Variants in BTRC observed in about 807,000 individuals in gnomAD.
BTRC encodes the protein beta-transducin repeat containing E3 ubiquitin protein ligase.
In BTRC, 42 loss-of-function variants were observed where a neutral mutation model predicts 85.5. The ratio of observed to expected loss-of-function variants is 0.49; its 90% CI spans 0.38 to 0.64. The LOEUF is 0.64. BTRC is among the 30% of genes least tolerant of loss of function. The pLI, the probability that BTRC is intolerant of heterozygous loss-of-function variation, is 0.00. For synonymous variants in BTRC, 255 were observed against 263.3 expected (o/e 0.97, Z 0.30); for missense variants, 594 against 743.5 (o/e 0.80, Z 2.34).
intron 6 of BTRC, among the ~76,000 whole-genome samples, chr10:101,526,618 A>G (rs2062194931): frequency 6.6e-6 from 1 of 152,194 alleles, no homozygotes; most frequent in African/African-American, 2.4e-5. Context: ...CAACTCTACT[A>G]AAAATACAAA....
At chr10:101,533,731 C>T (rs551499182) in intron 9 of BTRC, among the ~76,000 whole-genome samples, 4 of 152,170 alleles carry the variant, frequency 2.6e-5, no homozygotes, top group South Asian at 2.1e-4. Context: ...AGGAAAAAAG[C>T]GGTTAAGTGC....
chr10:101,504,937 T>A (rs1005193700), intron 4 of BTRC, among the ~76,000 whole-genome samples: 1 of 151,352 alleles, frequency 6.6e-6, no homozygotes, highest in Non-Finnish European at 1.5e-5. Flanking sequence ...TAATAAATTT[T>A]AAAAAAATTT....
chr10:101,435,373 A>G (rs1944501726), intron 2 of BTRC, among the ~76,000 whole-genome samples: 2 of 152,112 alleles, frequency 1.3e-5, no homozygotes. Context: ...CATCCCCCAT[A>G]TGCAATTACT....
At chr10:101,426,766 G>A (rs1944262319) in intron 1 of BTRC, among the ~76,000 whole-genome samples, 2 of 152,134 alleles carry the variant, frequency 1.3e-5, no homozygotes, top group African/African-American at 4.8e-5. Flanking sequence ...TTTAAAAAGA[G>A]CCCCAAGTCT....
chr10:101,431,395 G>A (rs1479172756), intron 2 of BTRC, among the ~76,000 whole-genome samples: 2 of 151,974 alleles, frequency 1.3e-5, no homozygotes, highest in Non-Finnish European at 1.5e-5. Context: ...CTTTCTTAGA[G>A]GCCAGGATGT....
At chr10:101,471,559 G>C (rs1455886360) in intron 3 of BTRC, among the ~76,000 whole-genome samples, 5 of 152,072 alleles carry the variant, frequency 3.3e-5, no homozygotes, top group Admixed American at 2.0e-4. Context: ...GTGTTTGCCA[G>C]GTTTTGGTAT....
At chr10:101,519,914 G>A (rs1197667767) in intron 4 of BTRC, among the ~76,000 whole-genome samples, 1 of 152,018 alleles carries the variant, frequency 6.6e-6, no homozygotes, top group Non-Finnish European at 1.5e-5. Flanking sequence ...AGAATCACTT[G>A]AACCCGGGAG....
intron 1 of BTRC, chr10:101,414,736 A>G: frequency 4.5e-6 from 2 of 443,104 alleles, no homozygotes; most frequent in East Asian, 6.4e-5. Flanking sequence ...GGCTAATGTA[A>G]TGTGTGTGTT....
intron 3 of BTRC, among the ~76,000 whole-genome samples, chr10:101,462,611 A>AGAGGTTGCGGTGAGCT (rs1197727959): frequency 2.0e-5 from 3 of 150,666 alleles, no homozygotes; most frequent in Non-Finnish European, 4.4e-5. Flanking sequence ...CCCCAGAGGC[A>AGAGGTTGCGGTGAGCT]GAGGTTGCGG....
At chr10:101,367,546 G>C (rs766550631) in intron 1 of BTRC, among the ~76,000 whole-genome samples, 13 of 152,062 alleles carry the variant, frequency 8.5e-5, no homozygotes, top group Admixed American at 2.6e-4. Flanking sequence ...CCATTATCTA[G>C]ATCAGGAATA....
At chr10:101,396,411 T>TC (rs1487952449) in intron 1 of BTRC, among the ~76,000 whole-genome samples, 1 of 150,998 alleles carries the variant, frequency 6.6e-6, no homozygotes, top group East Asian at 1.9e-4. Context: ...TGAAGATTTT[T>TC]TTTTTTTTTT....
intron 11 of BTRC, among the ~76,000 whole-genome samples, chr10:101,535,873 C>T (rs1330157606): frequency 6.6e-6 from 1 of 152,072 alleles, no homozygotes; most frequent in African/African-American, 2.4e-5. Context: ...GGGGTTTTCC[C>T]TTCACAAAGA....
rs1210155533 is a variant in BTRC, at chr10:101,556,380, A to G, written c.*3257A>G. The G allele has an allele frequency of 3.3e-5, 5 of 152,172 alleles. No homozygotes were observed. Among genetic ancestry groups the G allele is most frequent in the Admixed American group, 1.3e-4 (2 of 15,274 alleles). The allele number at this position is 152,172 out of a possible 1,614,324, so 9.4% of individuals were successfully genotyped here. A position where few individuals can be genotyped will look rare whatever the true frequency, so the allele number is the denominator to read the frequency against. ...GGAGGGGTGGGGAATACTGGAAATA[A>G]TCAGGGCAATTTTTTTCTTTCCCAT... On this transcript the variant is annotated 3_prime_UTR_variant, in exon 15 of 15. Coordinates refer to ENST00000370187, the MANE Select transcript of BTRC (RefSeq NM_033637.4).
intron 1 of BTRC, among the ~76,000 whole-genome samples, chr10:101,381,679 A>G (rs988241770): frequency 6.6e-6 from 1 of 152,192 alleles, no homozygotes; most frequent in Non-Finnish European, 1.5e-5. Flanking sequence ...CAGAAAAATT[A>G]TGAGAAACAC....
intron 2 of BTRC, among the ~76,000 whole-genome samples, chr10:101,438,384 C>T (rs1481219934): frequency 7.8e-6 from 1 of 128,942 alleles, no homozygotes; most frequent in Admixed American, 9.3e-5. Context: ...GAGATCGCGC[C>T]ACTACACTCC....
intron 1 of BTRC, among the ~76,000 whole-genome samples, chr10:101,367,530 T>G (rs997398947): frequency 1.3e-5 from 2 of 152,230 alleles, no homozygotes; most frequent in African/African-American, 2.4e-5. Flanking sequence ...GAACACATCT[T>G]CGTAACCATT....
intron 1 of BTRC, among the ~76,000 whole-genome samples, chr10:101,405,599 A>G (rs1217621771): frequency 6.6e-6 from 1 of 152,164 alleles, no homozygotes; most frequent in Non-Finnish European, 1.5e-5. Flanking sequence ...TAAATTCATT[A>G]TTGGTTCAGT....
chr10:101,469,417 C>T (rs1033633260), intron 3 of BTRC, among the ~76,000 whole-genome samples: 3 of 152,104 alleles, frequency 2.0e-5, no homozygotes, highest in African/African-American at 7.2e-5. Context: ...CTCCCTCAGG[C>T]CTGGCACAGA....
At chr10:101,532,786 G>GTA (rs1564830974) in intron 8 of BTRC, among the ~76,000 whole-genome samples, 166 bp from the exon 9 acceptor site, 1 of 71,840 alleles carries the variant, frequency 1.4e-5, no homozygotes, top group African/African-American at 1.1e-4. Flanking sequence ...GTGTGTGTGT[G>GTA]TGTGCGCGTG....
Sources: gnomAD v4.1 joint callset for allele counts (sites outside exome capture counted in the v4.1 genomes callset) on GRCh38, gnomAD v4.1.1 for gene constraint, MANE v1.5 for transcripts, NCBI Gene and HGNC (gene_info 2026-07-23, HGNC 2026-07-21) for gene names.